The following LIMCH1 variants were observed in gnomAD, a reference collection of about 807,000 sequenced individuals.
LIMCH1 encodes LIM and calponin homology domains 1.
A neutral mutation model predicts 176.5 loss-of-function variants in LIMCH1; 113 were observed. The ratio of observed to expected loss-of-function variants is 0.64; its 90% CI spans 0.55 to 0.75. LIMCH1 has a LOEUF of 0.75. Ranked by LOEUF, LIMCH1 falls within the 30% of genes least tolerant of loss-of-function variation. The pLI is 0.00. For synonymous variants in LIMCH1, 619 were observed against 645.9 expected (o/e 0.96, Z 0.63); for missense variants, 1,674 against 1,814.9 (o/e 0.92, Z 1.41).
At chr4:41,682,726 G>T (rs1301071944) in intron 26 of LIMCH1, among the ~76,000 whole-genome samples, 1 of 148,576 alleles carries the variant, frequency 6.7e-6, no homozygotes, top group African/African-American at 2.5e-5. Flanking sequence ...TCTCAGGCTG[G>T]AGTGCCATGG....
chr4:41,541,831 AGC>A (rs1345310883), intron 1 of LIMCH1, among the ~76,000 whole-genome samples: 2 of 152,188 alleles, frequency 1.3e-5, no homozygotes, highest in Non-Finnish European at 2.9e-5. Context: ...GATTTCCACA[AGC>A]GTTTCTGTGG....
At chr4:41,696,087 T>C (rs1441453517) in intron 31 of LIMCH1, among the ~76,000 whole-genome samples, 3 of 152,210 alleles carry the variant, frequency 2.0e-5, no homozygotes, top group South Asian at 4.1e-4. Context: ...TCCTATTTTC[T>C]CCAAGTAACT....
intron 9 of LIMCH1, 52 bp from the exon 10 acceptor site, chr4:41,631,096 C>T (rs1275866256): frequency 1.6e-6 from 2 of 1,275,924 alleles, no homozygotes; most frequent in East Asian, 2.6e-5. Flanking sequence ...TTAAAAACCT[C>T]TTATTGATTT....
intron 2 of LIMCH1, among the ~76,000 whole-genome samples, chr4:41,499,562 A>G (rs967457251): frequency 2.0e-5 from 3 of 152,246 alleles, no homozygotes; most frequent in South Asian, 2.1e-4. Context: ...GCTCACGCCT[A>G]TAATTCTAGC....
intron 7 of LIMCH1, among the ~76,000 whole-genome samples, chr4:41,625,355 C>T (rs2092877460): frequency 6.6e-6 from 1 of 152,092 alleles, no homozygotes; most frequent in Non-Finnish European, 1.5e-5. Context: ...AAAAAAAGCA[C>T]ATTATAAAAG....
At chr4:41,623,185 G>C (rs530106076) in intron 7 of LIMCH1, among the ~76,000 whole-genome samples, 2 of 152,220 alleles carry the variant, frequency 1.3e-5, no homozygotes, top group South Asian at 4.2e-4. Flanking sequence ...AAGGACTCTT[G>C]GTGTCTGGAA....
At chr4:41,460,476 A>ATATATATATCTATCTATCTATCTATC (rs965621988) in intron 1 of LIMCH1, among the ~76,000 whole-genome samples, 1 of 142,662 alleles carries the variant, frequency 7.0e-6, no homozygotes, top group African/African-American at 2.7e-5. Context: ...ATATATATAT[A>ATATATATATCTATCTATCTATCTATC]TATCTTATAA....
chr4:41,426,017 CTTTTTTTT>C (rs913325890), intron 1 of LIMCH1, among the ~76,000 whole-genome samples: 2 of 102,884 alleles, frequency 1.9e-5, no homozygotes, highest in African/African-American at 7.6e-5. Flanking sequence ...TGAAAAGATT[CTTTTTTTT>C]TTTTTTTTTT....
intron 1 of LIMCH1, among the ~76,000 whole-genome samples, chr4:41,551,789 A>T (rs1264274741): frequency 1.3e-5 from 2 of 152,202 alleles, no homozygotes; most frequent in African/African-American, 4.8e-5. Flanking sequence ...GGCTACTTTC[A>T]TACCACAGTG....
chr4:41,472,952 A>C (rs2067199780), intron 1 of LIMCH1: 2 of 904,362 alleles, frequency 2.2e-6, no homozygotes, highest in African/African-American at 3.6e-5. Context: ...ATTCTGCAGA[A>C]AACACTTTGG....
intron 1 of LIMCH1, among the ~76,000 whole-genome samples, chr4:41,471,188 G>A (rs1030282925): frequency 5.3e-5 from 8 of 152,290 alleles, no homozygotes; most frequent in African/African-American, 1.9e-4. Context: ...TACATTTTGA[G>A]CTATCGTGTT....
intron 1 of LIMCH1, among the ~76,000 whole-genome samples, chr4:41,446,094 G>T (rs1199004624): frequency 1.3e-5 from 2 of 152,140 alleles, no homozygotes; most frequent in East Asian, 3.8e-4. Context: ...GGGTTTGAGG[G>T]TTGCTGTCAG....
intron 1 of LIMCH1, among the ~76,000 whole-genome samples, chr4:41,480,362 A>C (rs1005004879): frequency 6.6e-6 from 1 of 152,186 alleles, no homozygotes; most frequent in Non-Finnish European, 1.5e-5. Context: ...TAATCCCAGC[A>C]CTTTGGGAGG....
intron 1 of LIMCH1, among the ~76,000 whole-genome samples, chr4:41,436,125 A>G (rs79807241): frequency 0.012 from 1,825 of 152,268 alleles, 14 homozygotes; most frequent in South Asian, 0.022. Context: ...TTGTTTTTCT[A>G]TTAAAAAAAT....
chr4:41,609,514 G>T, intron 4 of LIMCH1: 1 of 402,380 alleles, frequency 2.5e-6, no homozygotes, highest in South Asian at 1.9e-5. Flanking sequence ...CTAGATCAGG[G>T]TGAGCCACCT....
chr4:41,493,732 A>G (rs1182662994), intron 1 of LIMCH1, among the ~76,000 whole-genome samples: 1 of 152,220 alleles, frequency 6.6e-6, no homozygotes, highest in African/African-American at 2.4e-5. Context: ...TGCTCAATAC[A>G]TATTTCCTGA....
chr4:41,441,277 A>T (rs2062674613), intron 1 of LIMCH1, among the ~76,000 whole-genome samples: 1 of 152,224 alleles, frequency 6.6e-6, no homozygotes, highest in Non-Finnish European at 1.5e-5. Flanking sequence ...GCTTCTTTAT[A>T]ATTTAAATCT....
At chr4:41,634,914 G>A (rs888922434) in intron 13 of LIMCH1, among the ~76,000 whole-genome samples, 1 of 152,220 alleles carries the variant, frequency 6.6e-6, no homozygotes, top group African/African-American at 2.4e-5. Context: ...CTTTCCAGAT[G>A]CCCTGGACTT....
At position 41,613,874 on chromosome 4, in the gene LIMCH1, G is replaced by C. The variant is rs369846686; in HGVS notation, c.205+213G>C. Among the ~76,000 whole-genome samples the C allele has an allele frequency of 7.9e-5, 12 of 152,322 alleles. 1 individual carries two copies. The South Asian group carries it at 2.5e-3, about 32-fold the overall frequency. ...GGTTGGCTTTGCCAGGAGTTTATTTGAGCACTGCCTCAGTGAGCATATCTT... is the reference window on the plus strand; with the variant it reads ...GGTTGGCTTTGCCAGGAGTTTATTTCAGCACTGCCTCAGTGAGCATATCTT... On this transcript the variant is annotated intron_variant, in intron 5 of 31. Coordinates refer to ENST00000503057, the MANE Select transcript of LIMCH1 (RefSeq NM_001330672.2).
Sources: allele counts gnomAD v4.1 joint callset (sites outside exome capture counted in the v4.1 genomes callset), GRCh38; gene constraint gnomAD v4.1.1; transcripts MANE v1.5; gene names NCBI Gene and HGNC (gene_info 2026-07-23, HGNC 2026-07-21).